AKAP8L: variants seen among roughly 807,000 people sequenced by gnomAD.
The protein encoded by AKAP8L is A-kinase anchoring protein 8 like, also known as A-kinase anchor protein 8-like.
Under a neutral mutation model 77.5 loss-of-function variants are expected in AKAP8L, and 34 were observed. That is an observed-to-expected ratio of 0.44 (90% CI 0.33 to 0.58). AKAP8L has a LOEUF of 0.58. Ranked by LOEUF, AKAP8L falls within the 20% of genes least tolerant of loss-of-function variation. AKAP8L has a pLI of 0.02. For synonymous variants in AKAP8L, 342 were observed against 340.7 expected, an observed-to-expected ratio of 1.00 and a Z score of -0.04; for missense variants, 806 against 887.6, an observed-to-expected ratio of 0.91 and a Z score of 1.17.
chr19:15,400,587 C>T, intron 7 of AKAP8L: 3 of 728,958 alleles, frequency 4.1e-6, no homozygotes, highest in Non-Finnish European at 6.8e-6. Flanking sequence ...CTACCTGGTG[C>T]ACAGGGGCTC....
intron 1 of AKAP8L, among the ~76,000 whole-genome samples, chr19:15,414,284 C>T (rs1457360965): frequency 3.3e-5 from 5 of 151,900 alleles, no homozygotes; most frequent in Admixed American, 1.3e-4. Flanking sequence ...ATCAAACTCC[C>T]GACCTCAGAA....
At chr19:15,387,427 A>G (rs1967562264) in intron 12 of AKAP8L, among the ~76,000 whole-genome samples, 1 of 152,226 alleles carries the variant, frequency 6.6e-6, no homozygotes, top group Non-Finnish European at 1.5e-5. Flanking sequence ...GAAAAAAATT[A>G]AAAGGACATT....
chr19:15,414,010 G>A (rs1297360073), intron 1 of AKAP8L, among the ~76,000 whole-genome samples: 2 of 151,530 alleles, frequency 1.3e-5, no homozygotes, highest in Non-Finnish European at 2.9e-5. Flanking sequence ...TGCAAAGATC[G>A]CAGAGCAGGC....
chr19:15,384,683 A>G (rs1481224866), intron 12 of AKAP8L, among the ~76,000 whole-genome samples: 2 of 152,186 alleles, frequency 1.3e-5, no homozygotes, highest in Admixed American at 6.5e-5. Context: ...TTCCATTTAA[A>G]TTTCTAACTG....
chr19:15,392,207 A>G (rs1967678077), intron 12 of AKAP8L, among the ~76,000 whole-genome samples: 1 of 152,238 alleles, frequency 6.6e-6, no homozygotes, highest in African/African-American at 2.4e-5. Flanking sequence ...TATAATATCA[A>G]TATATTGGCT....
chr19:15,398,881 G>C lies in AKAP8L; in HGVS notation c.1157+421C>G. The C allele has an allele frequency of 1.1e-6, 1 of 888,000 alleles. No individual in the cohort carries two copies. The highest frequency in any genetic ancestry group is 1.4e-6 in the Non-Finnish European group (1 of 722,720). 55.0% of individuals were successfully genotyped at this position (888,000 alleles called of 1,614,324 possible). ...AGGCCCGAGGCTGCCACAGCCCACA[G>C]GTGCTGCCATCTCTCCTGGGCACGG... On this transcript the variant is annotated intron_variant, in intron 9 of 13. Transcript: ENST00000397410. The surrounding 1 kb of genome is among the most constrained non-coding windows in gnomAD (Gnocchi z 9.2).
Position 15,399,119 on chromosome 19 carries a change from G to A in AKAP8L, c.1157+183C>T, listed in dbSNP as rs1967836138. 3.2e-6 allele frequency: 2 copies of A among 618,962 alleles called. No homozygotes were observed. Among genetic ancestry groups the A allele is most frequent in the South Asian group, 3.9e-5 (2 of 51,562 alleles). The allele number at this position is 618,962 out of a possible 1,614,324, so 38.3% of individuals were successfully genotyped here. ...AGCGGTCGCCAGGCGGCCGCAGAGG[G>A]GCAGGGGATGAGTCAGGCCTTGGGA... On this transcript the variant is annotated intron_variant, in intron 9 of 13. Transcript: ENST00000397410. This position sits in a 1 kb window ranked among gnomAD's most constrained non-coding sequence, Gnocchi z 6.1.
intron 1 of AKAP8L, among the ~76,000 whole-genome samples, chr19:15,415,421 T>C (rs1968185409): frequency 6.6e-6 from 1 of 151,920 alleles, no homozygotes; most frequent in Non-Finnish European, 1.5e-5. Context: ...GGCAACATAG[T>C]GAGACCCTGT....
intron 2 of AKAP8L, among the ~76,000 whole-genome samples, chr19:15,408,676 G>A (rs1968050214): frequency 6.6e-6 from 1 of 151,818 alleles, no homozygotes. Flanking sequence ...GAGGTCAGGA[G>A]CTCGAGAACA....
rs960969387 is a variant in AKAP8L, at chr19:15,408,330, C to T, written c.88+2190G>A. The stretch of plus-strand genomic sequence containing the variant: ...CTGTAATCCTAGCACTTTGGGAGGC[C>T]AAGGCGGGTGGATCACCTGAGATGG... On this transcript the variant is annotated intron_variant, in intron 2 of 13. Coordinates refer to ENST00000397410, the MANE Select transcript of AKAP8L (RefSeq NM_014371.4). 2.6e-5 allele frequency among the ~76,000 whole-genome samples: 4 copies of T among 152,190 alleles called. No homozygotes were observed. In the South Asian group the frequency reaches 8.3e-4, roughly 32 times the overall value.
chr19:15,395,019 C>G (rs1353098194), intron 12 of AKAP8L, among the ~76,000 whole-genome samples: 1 of 149,850 alleles, frequency 6.7e-6, no homozygotes, highest in African/African-American at 2.5e-5. Context: ...GCTATCACCT[C>G]TCCCGTATTT....
At chr19:15,417,690 G>C (rs770041631) in intron 1 of AKAP8L, 1 of 152,208 alleles carries the variant, frequency 6.6e-6, no homozygotes, top group Non-Finnish European at 1.5e-5. Context: ...CCAACATAAA[G>C]TGGTCTACAA....
chr19:15,405,537 A>G (rs1967979438), intron 2 of AKAP8L, among the ~76,000 whole-genome samples: 1 of 152,088 alleles, frequency 6.6e-6, no homozygotes, highest in Admixed American at 6.5e-5. Flanking sequence ...TTCAAAAAAA[A>G]AAAAATAGAA....
chr19:15,400,636 G>T (rs1450796310), intron 7 of AKAP8L, 158 bp downstream of exon 7: 1 of 935,308 alleles, frequency 1.1e-6, no homozygotes, highest in Non-Finnish European at 1.6e-6. Context: ...CTCCAGCTAG[G>T]CAGCCTGTGC....
At position 15,401,081 on chromosome 19, in the gene AKAP8L, G is replaced by A; in HGVS notation, c.817-38C>T. 1 of 1,608,140 alleles carries A rather than the reference G, an allele frequency of 6.2e-7. No homozygotes were observed. Among genetic ancestry groups the A allele is most frequent in the East Asian group, 2.2e-5 (1 of 44,862 alleles). On this transcript the variant is annotated intron_variant, in intron 5 of 13. Transcript: ENST00000397410. This position sits in a 1 kb window ranked among gnomAD's most constrained non-coding sequence, Gnocchi z 6.2. ...GGGGGGAAGCCGTGTCAGGGTGCAT[G>A]GCACCCGGCCCTTAGCTCCGCCCCA...
chr19:15,392,363 G>A (rs1390638805), intron 12 of AKAP8L, among the ~76,000 whole-genome samples: 2 of 151,918 alleles, frequency 1.3e-5, no homozygotes, highest in African/African-American at 4.8e-5. Flanking sequence ...GGGCATAGTG[G>A]CACATGCCTG....
intron 2 of AKAP8L, among the ~76,000 whole-genome samples, chr19:15,408,184 GGA>G (rs887294952): frequency 3.9e-5 from 6 of 151,998 alleles, no homozygotes; most frequent in African/African-American, 1.5e-4. Context: ...ACAGACCAAT[GGA>G]ACAGAATGAG....
chr19:15,382,494 C>T (rs1460999858), intron 12 of AKAP8L, among the ~76,000 whole-genome samples: 3 of 152,172 alleles, frequency 2.0e-5, no homozygotes, highest in South Asian at 2.1e-4. Context: ...TGAGCCACCA[C>T]GCCCAGCCAA....
At chr19:15,384,766 A>G (rs1005271305) in intron 12 of AKAP8L, among the ~76,000 whole-genome samples, 3 of 152,230 alleles carry the variant, frequency 2.0e-5, no homozygotes, top group Admixed American at 6.5e-5. Context: ...ACCAAATTCT[A>G]TTAATTCTAA....
Sources: gnomAD v4.1 joint callset for allele counts (sites outside exome capture counted in the v4.1 genomes callset) on GRCh38, gnomAD v4.1.1 for gene constraint, Gnocchi (gnomAD v3.1) non-coding constraint, MANE v1.5 for transcripts, NCBI Gene and HGNC (gene_info 2026-07-23, HGNC 2026-07-21) for gene names.